The following COL14A1 variants were observed in gnomAD, a reference collection of about 807,000 sequenced individuals.
The protein encoded by COL14A1 is collagen type XIV alpha 1 chain.
In COL14A1, 136 loss-of-function variants were observed where a neutral mutation model predicts 230.3. The observed-to-expected ratio is 0.59, with a 90% confidence interval of 0.51 to 0.68. COL14A1 has a LOEUF of 0.68. Ranked by LOEUF, COL14A1 falls within the 30% of genes least tolerant of loss-of-function variation. The probability of loss-of-function intolerance (pLI) is 0.00; values close to 1 mark genes in which losing one functional copy is unlikely to be tolerated. For synonymous variants in COL14A1, 792 were observed against 784.1 expected (o/e 1.01, Z -0.17); for missense variants, 1,976 against 2,215.8 (o/e 0.89, Z 2.17).
intron 5 of COL14A1, among the ~76,000 whole-genome samples, chr8:120,193,708 T>C (rs981529987): frequency 6.6e-6 from 1 of 152,202 alleles, no homozygotes; most frequent in Non-Finnish European, 1.5e-5. Context: ...CCACCCAGTT[T>C]GAGCTTCCCG....
intron 1 of COL14A1, among the ~76,000 whole-genome samples, chr8:120,143,493 G>A (rs1306795652): frequency 6.6e-5 from 10 of 152,006 alleles, no homozygotes; most frequent in Non-Finnish European, 1.5e-4. Flanking sequence ...TTGGCCGGGC[G>A]TGGTGCACAT....
intron 19 of COL14A1, among the ~76,000 whole-genome samples, chr8:120,240,036 A>G (rs1818566506): frequency 6.6e-6 from 1 of 151,888 alleles, no homozygotes; most frequent in Non-Finnish European, 1.5e-5. Flanking sequence ...CTTTCGTTTC[A>G]CACTGTTTAT....
chr8:120,160,568 G>A (rs1815630706), intron 3 of COL14A1, among the ~76,000 whole-genome samples: 1 of 152,082 alleles, frequency 6.6e-6, no homozygotes, highest in Non-Finnish European at 1.5e-5. Context: ...TAAAAATTGG[G>A]AATGAAAGCA....
chr8:120,360,447 T>G (rs1823153303), intron 45 of COL14A1, among the ~76,000 whole-genome samples: 1 of 152,168 alleles, frequency 6.6e-6, no homozygotes, highest in Admixed American at 6.5e-5. Flanking sequence ...AACCTGAAAC[T>G]GCCAAAGCCA....
At chr8:120,151,325 T>C (rs2130485097) in intron 2 of COL14A1, among the ~76,000 whole-genome samples, 1 of 152,144 alleles carries the variant, frequency 6.6e-6, no homozygotes, top group African/African-American at 2.4e-5. Context: ...TTGACATTAA[T>C]TTGCAAAGCC....
Position 120,315,815 on chromosome 8 carries a change from C to A in COL14A1, c.4606-129C>A, listed in dbSNP as rs891647653. 4 of 983,992 alleles carry A rather than the reference C, an allele frequency of 4.1e-6. No individual in the cohort carries two copies. The African/African-American group carries it at 4.9e-5, about 12-fold the overall frequency. 61.0% of individuals were successfully genotyped at this position (983,992 alleles called of 1,614,324 possible). On this transcript the variant is annotated intron_variant, in intron 39 of 47. Coordinates refer to ENST00000297848, the MANE Select transcript of COL14A1 (RefSeq NM_021110.4). Reference sequence around the variant, plus strand: ...CATGAATAACTTCTAAGTCTGAATTCTAGGTTACAAAGGGTTCACCATTAT... The same window carrying A: ...CATGAATAACTTCTAAGTCTGAATTATAGGTTACAAAGGGTTCACCATTAT...
At chr8:120,362,298 GA>G (rs1823246767) in intron 45 of COL14A1, among the ~76,000 whole-genome samples, 1 of 152,152 alleles carries the variant, frequency 6.6e-6, no homozygotes, top group African/African-American at 2.4e-5. Context: ...TGGCTCATGT[GA>G]AAACAACATG....
chr8:120,167,413 T>C (rs1433552698), intron 4 of COL14A1, among the ~76,000 whole-genome samples: 1 of 152,212 alleles, frequency 6.6e-6, no homozygotes, highest in Non-Finnish European at 1.5e-5. Flanking sequence ...GGTGTTTTAT[T>C]TGTGCAGAGA....
At chr8:120,183,604 G>A (rs1816544669) in intron 5 of COL14A1, among the ~76,000 whole-genome samples, 1 of 152,126 alleles carries the variant, frequency 6.6e-6, no homozygotes, top group African/African-American at 2.4e-5. Flanking sequence ...GTCCCTTCCA[G>A]TTTAGAGCAG....
At chr8:120,284,400 A>T (rs954656672) in intron 32 of COL14A1, among the ~76,000 whole-genome samples, 54 of 152,324 alleles carry the variant, frequency 3.5e-4, no homozygotes, top group African/African-American at 1.3e-3. Context: ...TGGATGTTGT[A>T]CCATCAACCT....
intron 36 of COL14A1, among the ~76,000 whole-genome samples, chr8:120,302,621 C>A (rs2130037553): frequency 6.6e-6 from 1 of 152,246 alleles, no homozygotes; most frequent in Admixed American, 6.5e-5. Flanking sequence ...GTACCAGTAC[C>A]ATACCGTTTT....
intron 8 of COL14A1, among the ~76,000 whole-genome samples, 172 bp from the exon 9 acceptor site, chr8:120,203,537 G>A (rs1054628277): frequency 2.6e-5 from 4 of 151,692 alleles, no homozygotes; most frequent in Admixed American, 2.0e-4. Context: ...TCATTTCATC[G>A]GTTTATTTCG....
At chr8:120,251,667 T>G (rs1326335046) in intron 22 of COL14A1, among the ~76,000 whole-genome samples, 2 of 152,216 alleles carry the variant, frequency 1.3e-5, no homozygotes, top group Admixed American at 1.3e-4. Context: ...CTTACAGTTT[T>G]TGACCTAAAT....
At chr8:120,341,291 T>G in intron 42 of COL14A1, 34 bp from the exon 43 acceptor site, 2 of 1,610,684 alleles carry the variant, frequency 1.2e-6, no homozygotes, top group Non-Finnish European at 1.7e-6. Context: ...AAGTGCAATA[T>G]CATAAGTAAC....
At chr8:120,140,785 C>T (rs1586710413) in intron 1 of COL14A1, among the ~76,000 whole-genome samples, 1 of 151,984 alleles carries the variant, frequency 6.6e-6, no homozygotes, top group South Asian at 2.1e-4. Flanking sequence ...GGCCTTTGCT[C>T]GTTATTAAAC....
At chr8:120,189,631 C>T (rs1319065569) in intron 5 of COL14A1, among the ~76,000 whole-genome samples, 1 of 119,658 alleles carries the variant, frequency 8.4e-6, no homozygotes, top group African/African-American at 3.1e-5. Context: ...CTATCCCTCC[C>T]CCCTCCCCCG....
In COL14A1 at chr8:120,144,858, G is replaced by A. The variant is rs576229980; in HGVS notation, c.-37-2948G>A. Among the ~76,000 whole-genome samples, 3 of 152,018 alleles carry A rather than the reference G, an allele frequency of 2.0e-5. No homozygotes were observed. In the South Asian group the frequency reaches 6.2e-4, roughly 32 times the overall value. On this transcript the variant is annotated intron_variant, in intron 1 of 47. Transcript: ENST00000297848. ...ATAACAGAAACTAAAAAGTTAACTAGAAATATACTTTGGGGTAAGAAAGGC... is the reference window on the plus strand; with the variant it reads ...ATAACAGAAACTAAAAAGTTAACTAAAAATATACTTTGGGGTAAGAAAGGC...
At chr8:120,233,222 G>A (rs1283756652) in intron 19 of COL14A1, among the ~76,000 whole-genome samples, 1 of 152,074 alleles carries the variant, frequency 6.6e-6, no homozygotes, top group East Asian at 1.9e-4. Context: ...TAGGTTGCCT[G>A]TTCACTCTGA....
At chr8:120,134,548 GAGAA>G (rs1427811528) in intron 1 of COL14A1, among the ~76,000 whole-genome samples, 2 of 151,704 alleles carry the variant, frequency 1.3e-5, no homozygotes, top group African/African-American at 4.8e-5. Context: ...AATTCCAAAG[GAGAA>G]AGAGACTTAT....
Sources: gnomAD v4.1 joint callset for allele counts (sites outside exome capture counted in the v4.1 genomes callset) on GRCh38, gnomAD v4.1.1 for gene constraint, MANE v1.5 for transcripts, NCBI Gene and HGNC (gene_info 2026-07-23, HGNC 2026-07-21) for gene names.